The following LIX1L variants were observed in gnomAD, a reference collection of about 807,000 sequenced individuals.
The protein encoded by LIX1L is limb and CNS expressed 1 like.
Under a neutral mutation model 34.0 loss-of-function variants are expected in LIX1L, and 20 were observed. The observed-to-expected ratio is 0.59, with a 90% CI of 0.41 to 0.85. The LOEUF (loss-of-function observed/expected upper bound fraction) is 0.85. Ranked by LOEUF, LIX1L falls within the 40% of genes least tolerant of loss-of-function variation. The probability of loss-of-function intolerance (pLI) is 0.00; values close to 1 mark genes in which losing one functional copy is unlikely to be tolerated. For missense variants in LIX1L, 397 were observed against 447.0 expected, an observed-to-expected ratio of 0.89 and a Z score of 1.01; for synonymous variants, 170 against 187.4, an observed-to-expected ratio of 0.91 and a Z score of 0.76.
At chr1:145,940,816 G>T (rs782081799) in intron 3 of LIX1L, among the ~76,000 whole-genome samples, 1 of 151,474 alleles carries the variant, frequency 6.6e-6, no homozygotes, top group Non-Finnish European at 1.5e-5. Context: ...CTCCGAAAGT[G>T]CTGGGATTAC....
intron 3 of LIX1L, among the ~76,000 whole-genome samples, chr1:145,939,269 C>T (rs1405148044): frequency 6.6e-6 from 1 of 151,854 alleles, no homozygotes; most frequent in African/African-American, 2.4e-5. Context: ...TAGAACCAAT[C>T]CCACACAGAT....
intron 2 of LIX1L, among the ~76,000 whole-genome samples, chr1:145,945,597 A>G (rs1649072493): frequency 1.3e-5 from 2 of 151,344 alleles, no homozygotes; most frequent in Admixed American, 1.3e-4. Flanking sequence ...AAATACAAAA[A>G]ATTAGCTGAG....
Position 145,933,963 on chromosome 1 carries a change from G to A in LIX1L, c.*2347C>T, listed in dbSNP as rs1280974276. On this transcript the variant is annotated 3_prime_UTR_variant, in exon 6 of 6. Coordinates refer to ENST00000604000, the MANE Select transcript of LIX1L (RefSeq NM_153713.3). ...ATCAAATCCAAAAGAGCCAATTATAGCCTGTTTCATAATCTATTTTTATTG... is the reference window on the plus strand; with the variant it reads ...ATCAAATCCAAAAGAGCCAATTATAACCTGTTTCATAATCTATTTTTATTG... The A allele has an allele frequency of 6.6e-6, 1 of 152,132 alleles. No individual in the cohort carries two copies. The highest frequency in any genetic ancestry group is 1.5e-5 in the Non-Finnish European group (1 of 68,028). The allele number at this position is 152,132 out of a possible 1,614,324, so 9.4% of individuals were successfully genotyped here. A position where few individuals can be genotyped will look rare whatever the true frequency, so the allele number is the denominator to read the frequency against.
rs1447523861 is a variant in LIX1L, at chr1:145,934,398, C to A, written c.*1912G>T. 1 of 151,948 alleles carries A rather than the reference C, an allele frequency of 6.6e-6. No homozygotes were observed. Among genetic ancestry groups the A allele is most frequent in the Non-Finnish European group, 1.5e-5 (1 of 68,032 alleles). The allele number at this position is 151,948 out of a possible 1,614,324, so 9.4% of individuals were successfully genotyped here. On this transcript the variant is annotated 3_prime_UTR_variant, in exon 6 of 6. Transcript: ENST00000604000. The stretch of plus-strand genomic sequence containing the variant: ...ACCATCCTGTCAAACACGGTGAAAC[C>A]CCGTCTCTACTAAAAATACAAAAAA...
intron 1 of LIX1L, among the ~76,000 whole-genome samples, chr1:145,950,643 G>A (rs1291599317): frequency 1.3e-5 from 2 of 151,874 alleles, no homozygotes; most frequent in Admixed American, 1.3e-4. Context: ...TGGGATTACA[G>A]GCGCAAGCCA....
chr1:145,951,710 T>C (rs886869508), intron 1 of LIX1L, among the ~76,000 whole-genome samples: 5 of 152,188 alleles, frequency 3.3e-5, no homozygotes, highest in Non-Finnish European at 5.9e-5. Context: ...TCAGCTCCAG[T>C]TCCCTCTTTG....
chr1:145,940,659 T>C (rs1344406030), intron 3 of LIX1L, among the ~76,000 whole-genome samples: 4 of 149,708 alleles, frequency 2.7e-5, no homozygotes, highest in African/African-American at 9.8e-5. Flanking sequence ...CAAGTGATTC[T>C]CCTGCCTCAG....
At chr1:145,942,968 C>T in intron 2 of LIX1L, 115 bp from the exon 3 acceptor site, 1 of 1,003,938 alleles carries the variant, frequency 1.0e-6, no homozygotes, top group South Asian at 1.5e-5. Context: ...TTGGATAAAT[C>T]AGTTGTGTTC....
In LIX1L at chr1:145,936,521, A is replaced by G. The variant is rs781862135; in HGVS notation, c.803T>C (p.Leu268Pro). The G allele has an allele frequency of 6.2e-6, 10 of 1,614,104 alleles. No individual in the cohort carries two copies. The highest frequency in any genetic ancestry group is 8.5e-6 in the Non-Finnish European group (10 of 1,180,008). The stretch of plus-strand genomic sequence containing the variant: ...CATTTGGTGGCGAATATCATCATCC[A>G]GGGCCCGGTGCGAATAATGAGCCAA... ...EVLAHYSHRA[L>P]DDDIRHQMAL... Residue 268 changes from leucine to proline, a missense_variant, in exon 6 of 6, where the codon CTG becomes CCG. Physicochemically the swap from Leu to Pro is moderately conservative, Grantham distance 98 (BLOSUM62 -3). Around this residue, in one of 3 missense-constraint regions of LIX1L, gnomAD observed 174 missense variants for 204.0 expected, o/e 0.85. Transcript: ENST00000604000.
chr1:145,938,693 T>C (rs1307347286), intron 3 of LIX1L, among the ~76,000 whole-genome samples: 2 of 152,010 alleles, frequency 1.3e-5, no homozygotes. Flanking sequence ...GTTCAAGTGA[T>C]TCTCCTGCCT....
intron 1 of LIX1L, 79 bp downstream of exon 1, chr1:145,957,557 G>A (rs1649519529): frequency 2.2e-6 from 3 of 1,369,172 alleles, no homozygotes; most frequent in East Asian, 6.0e-5. Flanking sequence ...TCCACGCCAG[G>A]AAAAGCGATC....
chr1:145,942,859 C>G lies in LIX1L; in HGVS notation c.457-6G>C, dbSNP rs1553758850. ...TCAGCTTTTGTGGGGCAAAACTAGG[C>G]AGGGGAGAAAGAGTGAGAATATGTG... is the stretch of plus-strand genomic sequence containing the variant. On this transcript the variant is annotated splice_polypyrimidine_tract_variant and splice_region_variant and intron_variant, in intron 2 of 5. Coordinates refer to ENST00000604000, the MANE Select transcript of LIX1L (RefSeq NM_153713.3). The G allele has an allele frequency of 6.2e-7, 1 of 1,613,862 alleles. No individual in the cohort carries two copies. Among genetic ancestry groups the G allele is most frequent in the Non-Finnish European group, 8.5e-7 (1 of 1,179,832 alleles).
chr1:145,945,546 A>G (rs1218288510), intron 2 of LIX1L, among the ~76,000 whole-genome samples: 3 of 151,720 alleles, frequency 2.0e-5, no homozygotes, highest in Non-Finnish European at 4.4e-5. Context: ...CAGGAGTTCG[A>G]GACCAGCCTG....
At position 145,942,824 on chromosome 1, in the gene LIX1L, C is replaced by T. The variant is rs1648969678; in HGVS notation, c.486G>A (p.Arg162=). The T allele has an allele frequency of 1.2e-6, 2 of 1,614,172 alleles. No homozygotes were observed. Among genetic ancestry groups the T allele is most frequent in the African/African-American group, 2.7e-5 (2 of 75,052 alleles). The stretch of plus-strand genomic sequence containing the variant: ...TCATTAGCGCAATCTTTGCAGCACT[C>T]CTCCGGGCCTCAGCTTTTGTGGGGC... ...QFCPTKAEAR[R]SAAKIALMNS... Residue 162 remains arginine, a synonymous_variant, in exon 3 of 6, where the codon AGG becomes AGA. Coordinates refer to ENST00000604000, the MANE Select transcript of LIX1L (RefSeq NM_153713.3).
At chr1:145,946,655 G>A (rs1214798079) in intron 2 of LIX1L, among the ~76,000 whole-genome samples, 1 of 152,170 alleles carries the variant, frequency 6.6e-6, no homozygotes, top group Non-Finnish European at 1.5e-5. Flanking sequence ...ACTAAGATGG[G>A]TGGTAGGGAT....
intron 2 of LIX1L, among the ~76,000 whole-genome samples, chr1:145,946,200 CTT>C (rs5777570): frequency 3.1e-4 from 43 of 137,938 alleles, no homozygotes; most frequent in Admixed American, 5.1e-4. Flanking sequence ...GACTGAAGTT[CTT>C]TTTTTTTTTT....
chr1:145,953,438 C>A (rs1233478660), intron 1 of LIX1L, among the ~76,000 whole-genome samples: 1 of 152,122 alleles, frequency 6.6e-6, no homozygotes, highest in African/African-American at 2.4e-5. Flanking sequence ...ACTCTATTCA[C>A]ATTATTATGG....
intron 2 of LIX1L, among the ~76,000 whole-genome samples, chr1:145,944,366 C>A (rs1445949882): frequency 1.3e-5 from 2 of 151,948 alleles, no homozygotes; most frequent in Admixed American, 1.3e-4. Context: ...CTTAAAAAAA[C>A]AATAAATAAG....
chr1:145,939,487 A>G (rs587675862), intron 3 of LIX1L, among the ~76,000 whole-genome samples: 1 of 151,650 alleles, frequency 6.6e-6, no homozygotes, highest in African/African-American at 2.4e-5. Context: ...TGTATTTTTT[A>G]GTAGAGATGG....
Sources: allele counts gnomAD v4.1 joint callset (sites outside exome capture counted in the v4.1 genomes callset), GRCh38; gene constraint gnomAD v4.1.1; regional missense constraint gnomAD v4.1.1; transcripts MANE v1.5; gene names NCBI Gene and HGNC (gene_info 2026-07-23, HGNC 2026-07-21).